GCFC2: variants seen among roughly 807,000 people sequenced by gnomAD.
The protein encoded by GCFC2 is GC-rich sequence DNA-binding factor 2.
Under a neutral mutation model 99.4 loss-of-function variants are expected in GCFC2, and 102 were observed. The observed-to-expected ratio is 1.03, with a 90% CI of 0.87 to 1.21. The LOEUF (loss-of-function observed/expected upper bound fraction) is 1.21. Among genes scored for constraint, GCFC2 ranks in the 50% most tolerant of loss-of-function variants. The pLI, the probability that GCFC2 is intolerant of heterozygous loss-of-function variation, is 0.00. For synonymous variants in GCFC2, 338 were observed against 316.8 expected, an observed-to-expected ratio of 1.07 and a Z score of -0.71; for missense variants, 973 against 920.9, an observed-to-expected ratio of 1.06 and a Z score of -0.73.
rs546578441 is a variant in GCFC2, at chr2:75,663,218, G to T, written c.*1448C>A. On this transcript the variant is annotated 3_prime_UTR_variant, in exon 17 of 17. Coordinates refer to ENST00000321027, the MANE Select transcript of GCFC2 (RefSeq NM_003203.5). ...TATATGTAGTTTTGAAGGTAGAGGT[G>T]ACATAAAAGTAGGCTGTATATTCAA... is the stretch of plus-strand genomic sequence containing the variant. 30 of 152,110 alleles carry T rather than the reference G, an allele frequency of 2.0e-4. No homozygotes were observed. The highest frequency in any genetic ancestry group is 4.0e-4 in the Non-Finnish European group (27 of 68,008). The allele number at this position is 152,110 out of a possible 1,614,324, so 9.4% of individuals were successfully genotyped here.
intron 6 of GCFC2, among the ~76,000 whole-genome samples, chr2:75,692,519 T>G (rs1471978509): frequency 2.0e-5 from 3 of 151,998 alleles, no homozygotes; most frequent in Non-Finnish European, 4.4e-5. Flanking sequence ...CAGTGGCACC[T>G]GCCTTCAATC....
intron 12 of GCFC2, among the ~76,000 whole-genome samples, chr2:75,678,920 CTT>C (rs1345292043): frequency 6.6e-6 from 1 of 152,146 alleles, no homozygotes; most frequent in African/African-American, 2.4e-5. Context: ...GTCTTGAACT[CTT>C]GGCCTGAAGA....
chr2:75,673,477 TCTA>T lies in GCFC2; in HGVS notation c.1853_1855del (p.Val618del), dbSNP rs763361212. On this transcript the variant is annotated inframe_deletion, in exon 13 of 17. Coordinates refer to ENST00000321027, the MANE Select transcript of GCFC2 (RefSeq NM_003203.5). ...ATACAGAGGAATAAAAACATCATCT[TCTA>T]CTGCCTTTTTCATTCTTGAAACAAT... 1.4e-6 allele frequency: 2 copies of T among 1,437,568 alleles called. No homozygotes were observed. Among genetic ancestry groups the T allele is most frequent in the East Asian group, 4.5e-5 (2 of 44,052 alleles). 89.1% of individuals were successfully genotyped at this position (1,437,568 alleles called of 1,614,324 possible). A position where few individuals can be genotyped will look rare whatever the true frequency, so the allele number is the denominator to read the frequency against.
chr2:75,677,359 T>C (rs758503980), intron 12 of GCFC2, among the ~76,000 whole-genome samples: 2 of 152,228 alleles, frequency 1.3e-5, no homozygotes, highest in Non-Finnish European at 2.9e-5. Context: ...AATGGAGTGA[T>C]CCCACTGGTG....
chr2:75,664,669 A>G lies in GCFC2; in HGVS notation c.2343T>C (p.Asp781=), dbSNP rs1296406756. 12 of 1,300,844 alleles carry G rather than the reference A, an allele frequency of 9.2e-6. No homozygotes were observed. Among genetic ancestry groups the G allele is most frequent in the African/African-American group, 4.4e-5 (3 of 68,144 alleles). The allele number at this position is 1,300,844 out of a possible 1,614,324, so 80.6% of individuals were successfully genotyped here. A position where few individuals can be genotyped will look rare whatever the true frequency, so the allele number is the denominator to read the frequency against. Residue 781 remains aspartate, a synonymous_variant, in exon 17 of 17, where the codon GAT becomes GAC. Coordinates refer to ENST00000321027, the MANE Select transcript of GCFC2 (RefSeq NM_003203.5). ...AGCATTTTCCAATAAAGTTTATTCA[A>G]TCTTCTTTAATTAGTGATTTAAGAT... ...LDHLKSLIKE[D]
At chr2:75,666,924 C>T (rs1678863550) in intron 15 of GCFC2, among the ~76,000 whole-genome samples, 1 of 152,012 alleles carries the variant, frequency 6.6e-6, no homozygotes, top group Admixed American at 6.6e-5. Flanking sequence ...TTTTCTAGTG[C>T]TTGTATATAT....
In GCFC2 at chr2:75,690,711, C is replaced by T. The variant is rs1680027082; in HGVS notation, c.1153G>A (p.Glu385Lys). 6.6e-7 allele frequency: 1 copy of T among 1,511,664 alleles called. No homozygotes were observed. The highest frequency in any genetic ancestry group is 9.1e-7 in the Non-Finnish European group (1 of 1,099,202). 93.6% of individuals were successfully genotyped at this position (1,511,664 alleles called of 1,614,324 possible). Residue 385 changes from glutamate to lysine, a missense_variant, in exon 8 of 17, where the codon GAG becomes AAG. Transcript: ENST00000321027. ...TYLQQLSRKD[E>K]TSTSGNFSVD... ...GAGAAGTTTCCACTTGTGGATGTCT[C>T]ATCTTTGCCTGTTAATAAATAAAAT...
chr2:75,683,382 A>T (rs915679125), intron 11 of GCFC2, among the ~76,000 whole-genome samples: 3 of 151,888 alleles, frequency 2.0e-5, no homozygotes, highest in African/African-American at 7.3e-5. Flanking sequence ...TCCTTTACAG[A>T]CAAGCAAATG....
chr2:75,668,283 C>T (rs932978310), intron 15 of GCFC2, among the ~76,000 whole-genome samples: 1 of 152,200 alleles, frequency 6.6e-6, no homozygotes, highest in Non-Finnish European at 1.5e-5. Context: ...AACACTCTCA[C>T]TTGTAGATGC....
intron 1 of GCFC2, among the ~76,000 whole-genome samples, 198 bp from the exon 2 acceptor site, chr2:75,706,849 T>A (rs1253544589): frequency 6.6e-6 from 1 of 152,082 alleles, no homozygotes; most frequent in Non-Finnish European, 1.5e-5. Flanking sequence ...AGACCCTATT[T>A]GTATTATCTA....
chr2:75,668,341 AAAC>A (rs1678941901), intron 15 of GCFC2, among the ~76,000 whole-genome samples: 1 of 143,140 alleles, frequency 7.0e-6, no homozygotes, highest in Non-Finnish European at 1.5e-5. Context: ...GTGCTAAAGA[AAAC>A]AAAACAAAAC....
chr2:75,671,438 T>C (rs895409035), intron 14 of GCFC2, among the ~76,000 whole-genome samples: 2 of 152,230 alleles, frequency 1.3e-5, no homozygotes, highest in African/African-American at 4.8e-5. Flanking sequence ...ATCTTCATTA[T>C]GTACAAAATA....
chr2:75,686,181 T>C (rs1286819696), intron 11 of GCFC2, among the ~76,000 whole-genome samples: 1 of 152,180 alleles, frequency 6.6e-6, no homozygotes, highest in Non-Finnish European at 1.5e-5. Context: ...TAGTTAAAAA[T>C]AGTAACTTTC....
Position 75,663,029 on chromosome 2 carries a change from G to C in GCFC2, c.*1637C>G, listed in dbSNP as rs1172751640. On this transcript the variant is annotated 3_prime_UTR_variant, in exon 17 of 17. Transcript: ENST00000321027. ...GCAGTTATCTCTGGGGACAGCGGTT[G>C]TGTGGAAATGCTAACTGCTTTTCAA... 1 of 152,078 alleles carries C rather than the reference G, an allele frequency of 6.6e-6. No individual in the cohort carries two copies. The allele number at this position is 152,078 out of a possible 1,614,324, so 9.4% of individuals were successfully genotyped here. A position where few individuals can be genotyped will look rare whatever the true frequency, so the allele number is the denominator to read the frequency against.
upstream of GCFC2, chr2:75,711,367 T>C (rs1381152554): frequency 5.4e-6 from 1 of 186,038 alleles, no homozygotes. Flanking sequence ...ACATAAACAA[T>C]GCATACAGAC....
chr2:75,666,170 G>GT (rs1279842557), intron 15 of GCFC2, 117 bp from the exon 16 acceptor site: 1 of 714,234 alleles, frequency 1.4e-6, no homozygotes, highest in Non-Finnish European at 2.2e-6. Flanking sequence ...ATAGTTTATG[G>GT]TTAAATAAAA....
At chr2:75,703,994 T>C (rs1056848553) in intron 2 of GCFC2, among the ~76,000 whole-genome samples, 3 of 152,254 alleles carry the variant, frequency 2.0e-5, no homozygotes, top group African/African-American at 7.2e-5. Context: ...TACATAAAGG[T>C]AACTGCTCAA....
chr2:75,665,029 T>C (rs142437118), intron 16 of GCFC2, among the ~76,000 whole-genome samples: 73 of 152,278 alleles, frequency 4.8e-4, no homozygotes, highest in African/African-American at 1.7e-3. Context: ...GAAAAGCATA[T>C]AGTAAGTCTA....
rs17690300 is a variant in GCFC2, at chr2:75,665,985, T to G, written c.2172A>C (p.Glu724Asp). The G allele has an allele frequency of 0.012, 19,465 of 1,602,074 alleles. 180 individuals carry two copies. Among genetic ancestry groups the G allele is most frequent in the South Asian group, 0.023 (2,057 of 90,448 alleles). The change falls in exon 16 of 17, where the codon GAA (glutamate) becomes GAC (aspartate). Residue 724 changes from glutamate to aspartate, a missense_variant. Coordinates refer to ENST00000321027, the MANE Select transcript of GCFC2 (RefSeq NM_003203.5). Reference sequence around the variant, plus strand: ...ACTGCAATAAAAACTGAATGAAGTTTTCTAGCTGTGGAATAGATGTCCTCA... The same window carrying G: ...ACTGCAATAAAAACTGAATGAAGTTGTCTAGCTGTGGAATAGATGTCCTCA... ...SAMRTSIPQL[E>D]NFIQFLLQSA...
Sources: allele counts gnomAD v4.1 joint callset (sites outside exome capture counted in the v4.1 genomes callset), GRCh38; gene constraint gnomAD v4.1.1; transcripts MANE v1.5; gene names NCBI Gene and HGNC (gene_info 2026-07-23, HGNC 2026-07-21).